AKR1C1: variants seen among roughly 807,000 people sequenced by gnomAD.
The protein encoded by AKR1C1 is aldo-keto reductase family 1 member C1, also known as 20 alpha-hydroxysteroid dehydrogenase.
Under a neutral mutation model 40.6 loss-of-function variants are expected in AKR1C1, and 32 were observed. The ratio of observed to expected loss-of-function variants is 0.79; its 90% CI spans 0.60 to 1.06. AKR1C1 has a LOEUF of 1.06. Ranked by LOEUF, AKR1C1 falls within the 50% of genes least tolerant of loss-of-function variation. AKR1C1 has a pLI of 0.00. For synonymous variants in AKR1C1, 105 were observed against 134.2 expected, an observed-to-expected ratio of 0.78 and a Z score of 1.50; for missense variants, 320 against 363.5, an observed-to-expected ratio of 0.88 and a Z score of 0.97.
chr10:4,971,306 G>T, intron 5 of AKR1C1, among the ~76,000 whole-genome samples: 1 of 151,756 alleles, frequency 6.6e-6, no homozygotes, highest in East Asian at 1.9e-4. Flanking sequence ...TCTAAGTGAG[G>T]GTAAAGGTGA....
At chr10:4,966,904 C>T (rs746168711) in intron 2 of AKR1C1, 23 bp from the exon 3 acceptor site, 1 of 1,589,374 alleles carries the variant, frequency 6.3e-7, no homozygotes, top group Non-Finnish European at 8.6e-7. Context: ...CATTACACAA[C>T]TTCCTTTCTC....
intron 7 of AKR1C1, among the ~76,000 whole-genome samples, chr10:4,974,258 A>G (rs1366607832): frequency 2.0e-5 from 3 of 151,812 alleles, no homozygotes; most frequent in Non-Finnish European, 2.9e-5. Context: ...GATATATGAC[A>G]TATGTGTTAT....
At position 4,980,952 on chromosome 10, in the gene AKR1C1, A is replaced by C. The variant is rs1366864065; in HGVS notation, c.*3210A>C. ...GTAGACTTATGAAATGTATTTCCTG[A>C]ACCATAAAACAAGAACATCAAAATT... On this transcript the variant is annotated 3_prime_UTR_variant, in exon 9 of 9. Transcript: ENST00000380872. 6.6e-6 allele frequency: 1 copy of C among 152,238 alleles called. No individual in the cohort carries two copies. The highest frequency in any genetic ancestry group is 1.5e-5 in the Non-Finnish European group (1 of 68,044). The allele number at this position is 152,238 out of a possible 1,614,324, so 9.4% of individuals were successfully genotyped here. A position where few individuals can be genotyped will look rare whatever the true frequency, so the allele number is the denominator to read the frequency against.
At position 4,972,603 on chromosome 10, in the gene AKR1C1, G is replaced by T; in HGVS notation, c.700G>T (p.Val234Leu). 6.2e-7 allele frequency: 1 copy of T among 1,613,828 alleles called. No homozygotes were observed. The highest frequency in any genetic ancestry group is 8.5e-7 in the Non-Finnish European group (1 of 1,179,998). ...EEPWVDPNSP[V>L]LLEDPVLCAL... is the part of the protein sequence containing the mutation. ...TTCCAGGGTGGACCCGAACTCCCCG[G>T]TGCTCTTGGAGGACCCAGTCCTTTG... is the stretch of plus-strand genomic sequence containing the variant. Residue 234 changes from valine to leucine, a missense_variant, in exon 7 of 9, where the codon GTG (valine) becomes TTG (leucine). Coordinates refer to ENST00000380872, the MANE Select transcript of AKR1C1 (RefSeq NM_001353.6).
chr10:4,968,593 C>T (rs1263523107), intron 4 of AKR1C1, among the ~76,000 whole-genome samples: 3 of 152,158 alleles, frequency 2.0e-5, no homozygotes, highest in African/African-American at 7.2e-5. Context: ...GTAAGGAGGA[C>T]TGGGATTTAT....
At chr10:4,971,418 T>C (rs183689023) in intron 5 of AKR1C1, among the ~76,000 whole-genome samples, 3,312 of 150,930 alleles carry the variant, frequency 0.022, 46 homozygotes, top group Non-Finnish European at 0.033. Flanking sequence ...GTCGCACTAA[T>C]TACTACAGAC....
Position 4,979,503 on chromosome 10 carries a change from A to T in AKR1C1, c.*1761A>T, listed in dbSNP as rs1836582532. On this transcript the variant is annotated 3_prime_UTR_variant, in exon 9 of 9. Coordinates refer to ENST00000380872, the MANE Select transcript of AKR1C1 (RefSeq NM_001353.6). ...ATGGAATGATAATTTCACATCTCAT[A>T]AACTTGACTGATGTAAGTGTCAAGA... The T allele has an allele frequency of 6.6e-6, 1 of 152,130 alleles. No homozygotes were observed. The highest frequency in any genetic ancestry group is 2.4e-5 in the African/African-American group (1 of 41,376). 9.4% of individuals were successfully genotyped at this position (152,130 alleles called of 1,614,324 possible).
chr10:4,976,702 G>A (rs1564319007), intron 8 of AKR1C1, among the ~76,000 whole-genome samples: 1 of 152,158 alleles, frequency 6.6e-6, no homozygotes, highest in Non-Finnish European at 1.5e-5. Context: ...TTCATAGAAG[G>A]TCATTCATAT....
intron 8 of AKR1C1, among the ~76,000 whole-genome samples, chr10:4,977,239 CAT>C (rs1400624208): frequency 6.6e-6 from 1 of 152,192 alleles, no homozygotes; most frequent in Non-Finnish European, 1.5e-5. Flanking sequence ...AACTATGTTG[CAT>C]ATGATAGGCA....
At position 4,970,511 on chromosome 10, in the gene AKR1C1, A is replaced by G. The variant is rs544833410; in HGVS notation, c.570+1567A>G. 2.0e-5 allele frequency among the ~76,000 whole-genome samples: 3 copies of G among 152,264 alleles called. No homozygotes were observed. In the South Asian group the frequency reaches 6.2e-4, roughly 32 times the overall value. On this transcript the variant is annotated intron_variant, in intron 5 of 8. Coordinates refer to ENST00000380872, the MANE Select transcript of AKR1C1 (RefSeq NM_001353.6). ...CAAATTGCACCACACTAGACTGCATACAATCACAGAATGCCCCACTAGTGG... is the reference window on the plus strand; with the variant it reads ...CAAATTGCACCACACTAGACTGCATGCAATCACAGAATGCCCCACTAGTGG...
At chr10:4,970,581 C>T (rs561387480) in intron 5 of AKR1C1, among the ~76,000 whole-genome samples, 87 of 152,102 alleles carry the variant, frequency 5.7e-4, no homozygotes, top group African/African-American at 2.0e-3. Flanking sequence ...CAATGATAGA[C>T]TGGATTAAGA....
intron 3 of AKR1C1, chr10:4,967,446 A>G (rs1245462911): frequency 1.0e-6 from 1 of 1,001,528 alleles, no homozygotes; most frequent in Non-Finnish European, 1.2e-6. Flanking sequence ...GCCTCTTTTT[A>G]AGGGGCGAGA....
chr10:4,966,141 C>T, intron 2 of AKR1C1, 60 bp downstream of exon 2: 1 of 1,563,212 alleles, frequency 6.4e-7, no homozygotes, highest in Admixed American at 1.8e-5. Context: ...GTGGAGGTGG[C>T]AGTTCTATGA....
At chr10:4,969,776 A>G (rs1413911196) in intron 5 of AKR1C1, 1 of 1,597,794 alleles carries the variant, frequency 6.3e-7, no homozygotes, top group African/African-American at 1.3e-5. Context: ...TCAGCATTAA[A>G]GTTACTACAC....
chr10:4,974,069 G>A (rs1836485026), intron 7 of AKR1C1, among the ~76,000 whole-genome samples: 1 of 151,194 alleles, frequency 6.6e-6, no homozygotes, highest in South Asian at 2.1e-4. Context: ...GAGAAAGAAA[G>A]TAAAAAATGA....
At chr10:4,965,679 C>T (rs549866450) in intron 1 of AKR1C1, 9 of 448,794 alleles carry the variant, frequency 2.0e-5, no homozygotes, top group African/African-American at 1.4e-4. Flanking sequence ...TTTGGGGACA[C>T]TTCCAAACTA....
rs369381901 is a variant in AKR1C1 at position 4,972,261 on chromosome 10, A to T, written c.631A>T (p.Ile211Phe). ...KLLDFCKSKDIVLVAYSALGS... is the reference protein window; with the variant it reads ...KLLDFCKSKDFVLVAYSALGS... ...GCTGGATTTCTGCAAGTCAAAAGACATTGTTCTGGTTGCCTATAGTGCTCT... is the reference window on the plus strand; with the variant it reads ...GCTGGATTTCTGCAAGTCAAAAGACTTTGTTCTGGTTGCCTATAGTGCTCT... Residue 211 changes from isoleucine to phenylalanine, a missense_variant, in exon 6 of 9, where the codon ATT (isoleucine) becomes TTT (phenylalanine). Coordinates refer to ENST00000380872, the MANE Select transcript of AKR1C1 (RefSeq NM_001353.6). The T allele has an allele frequency of 1.2e-6, 2 of 1,613,956 alleles. No homozygotes were observed. Among genetic ancestry groups the T allele is most frequent in the Middle Eastern group, 1.6e-4 (1 of 6,062 alleles).
chr10:4,965,165 C>G (rs529203160), intron 1 of AKR1C1, among the ~76,000 whole-genome samples: 4 of 152,350 alleles, frequency 2.6e-5, no homozygotes, highest in Non-Finnish European at 5.9e-5. Context: ...TCAGTGCATT[C>G]TGTGCAATAT....
chr10:4,970,690 G>A (rs1302535895), intron 5 of AKR1C1, among the ~76,000 whole-genome samples: 1 of 151,688 alleles, frequency 6.6e-6, no homozygotes, highest in Non-Finnish European at 1.5e-5. Flanking sequence ...AATCATCATT[G>A]TCAGTAAACT....
Sources: gnomAD v4.1 joint callset for allele counts (sites outside exome capture counted in the v4.1 genomes callset) on GRCh38, gnomAD v4.1.1 for gene constraint, MANE v1.5 for transcripts, NCBI Gene and HGNC (gene_info 2026-07-23, HGNC 2026-07-21) for gene names.